KLF1: variants seen among roughly 807,000 people sequenced by gnomAD.
The protein encoded by KLF1 is Krueppel-like factor 1.
Under a neutral mutation model 28.0 loss-of-function variants are expected in KLF1, and 29 were observed. The observed-to-expected ratio is 1.04, with a 90% CI of 0.77 to 1.41. KLF1 has a LOEUF of 1.41. KLF1 is among the 40% of genes most tolerant of loss of function. The probability of loss-of-function intolerance (pLI) is 0.00; values close to 1 mark genes in which losing one functional copy is unlikely to be tolerated. For missense variants in KLF1, 508 were observed against 515.1 expected, an observed-to-expected ratio of 0.99 and a Z score of 0.13; for synonymous variants, 262 against 242.6, an observed-to-expected ratio of 1.08 and a Z score of -0.74.
rs1368754872 is a variant in KLF1 at position 12,887,025 on chromosome 19, C to A, written c.87+29G>T. The A allele has an allele frequency of 3.7e-6, 6 of 1,610,578 alleles. No homozygotes were observed. Among genetic ancestry groups the A allele is most frequent in the Non-Finnish European group, 5.1e-6 (6 of 1,176,810 alleles). The stretch of plus-strand genomic sequence containing the variant: ...ACTGTGGCCCTGGATTCCAGCCAGC[C>A]CACCTAGACCCCACCTTCTAGGCCC... On this transcript the variant is annotated intron_variant, in intron 1 of 2. Transcript: ENST00000264834. The surrounding 1 kb of genome is among the most constrained non-coding windows in gnomAD (Gnocchi z 4.7).
chr19:12,885,060 C>A lies in KLF1; in HGVS notation c.914G>T (p.Gly305Val), dbSNP rs1970421110. Reference sequence around the variant, plus strand: ...CCACGTGCAGGCGTATGGCTTCTCCCCTAGGGGACAAGGAAGCCATAAGCG... The same window carrying A: ...CCACGTGCAGGCGTATGGCTTCTCCACTAGGGGACAAGGAAGCCATAAGCG... ...HLKAHLRTHT[G>V]EKPYACTWEG... Residue 305 changes from glycine to valine, a missense_variant and splice_region_variant, in exon 3 of 3, where the codon GGG becomes GTG. Coordinates refer to ENST00000264834, the MANE Select transcript of KLF1 (RefSeq NM_006563.5). The surrounding 1 kb of genome is among the most constrained non-coding windows in gnomAD (Gnocchi z 5.6). The A allele has an allele frequency of 6.2e-7, 1 of 1,604,444 alleles. No individual in the cohort carries two copies. The highest frequency in any genetic ancestry group is 1.3e-5 in the African/African-American group (1 of 74,914).
chr19:12,885,328 C>T lies in KLF1; in HGVS notation c.902G>A (p.Arg301His). Reference protein sequence around the residue: ...TKSSHLKAHLRTHTGEKPYAC... With the variant: ...TKSSHLKAHLHTHTGEKPYAC... The stretch of plus-strand genomic sequence containing the variant: ...CCCCGCCCCCTCACCTGTGTGCGTG[C>T]GCAGATGCGCCTTCAGGTGGGAGCT... The change falls in exon 2 of 3, where the codon CGC (arginine) becomes CAC (histidine). Residue 301 changes from arginine to histidine, a missense_variant. By Grantham distance (29) the Arg-to-His change is conservative. Coordinates refer to ENST00000264834, the MANE Select transcript of KLF1 (RefSeq NM_006563.5). The surrounding 1 kb of genome is among the most constrained non-coding windows in gnomAD (Gnocchi z 5.6). The T allele has an allele frequency of 1.9e-6, 3 of 1,589,030 alleles. No homozygotes were observed. The highest frequency in any genetic ancestry group is 1.1e-5 in the South Asian group (1 of 88,150).
Position 12,885,710 on chromosome 19 carries a change from C to A in KLF1, c.520G>T (p.Gly174Cys), listed in dbSNP as rs566095433. Residue 174 changes from glycine to cysteine, a missense_variant, in exon 2 of 3, where the codon GGC (glycine) becomes TGC (cysteine). By Grantham distance (159) the Gly-to-Cys change is radical. Coordinates refer to ENST00000264834, the MANE Select transcript of KLF1 (RefSeq NM_006563.5). The surrounding 1 kb of genome is among the most constrained non-coding windows in gnomAD (Gnocchi z 5.6). Reference protein sequence around the residue: ...LALQPVYPGPGAGSSGGYFPR... With the variant: ...LALQPVYPGPCAGSSGGYFPR... ...AAGTAGCCACCCGAGGAGCCGGCGC[C>A]GGGCCCCGGGTACACCGGTTGCAGC... is the stretch of plus-strand genomic sequence containing the variant. 1.0e-3 allele frequency: 1,539 copies of A among 1,523,492 alleles called. No homozygotes were observed. Among genetic ancestry groups the A allele is most frequent in the Non-Finnish European group, 1.1e-3 (1,211 of 1,135,226 alleles). 94.4% of individuals were successfully genotyped at this position (1,523,492 alleles called of 1,614,324 possible).
In KLF1 at chr19:12,887,192, C is replaced by A; in HGVS notation, c.-52G>T. The stretch of plus-strand genomic sequence containing the variant: ...CAAGCCTCCTCTTCCTCGGCTGCCT[C>A]GTGAACTCTGAGGCTGTGATAGCCC... On this transcript the variant is annotated 5_prime_UTR_variant, in exon 1 of 3. Coordinates refer to ENST00000264834, the MANE Select transcript of KLF1 (RefSeq NM_006563.5). The surrounding 1 kb of genome is among the most constrained non-coding windows in gnomAD (Gnocchi z 4.7). 6.3e-7 allele frequency: 1 copy of A among 1,590,704 alleles called. No individual in the cohort carries two copies.
chr19:12,885,746 T>G lies in KLF1; in HGVS notation c.484A>C (p.Lys162Gln). The G allele has an allele frequency of 2.0e-6, 3 of 1,507,180 alleles. No homozygotes were observed. The highest frequency in any genetic ancestry group is 1.8e-6 in the Non-Finnish European group (2 of 1,130,216). 93.4% of individuals were successfully genotyped at this position (1,507,180 alleles called of 1,614,324 possible). Reference protein sequence around the residue: ...ALAPAPAPEPKALALQPVYPG... With the variant: ...ALAPAPAPEPQALALQPVYPG... ...TACACCGGTTGCAGCGCCAGCGCCT[T>G]GGGCTCGGGGGCCGGGGCTGGAGCC... Residue 162 changes from lysine to glutamine, a missense_variant, in exon 2 of 3, where the codon AAG (lysine) becomes CAG (glutamine). Coordinates refer to ENST00000264834, the MANE Select transcript of KLF1 (RefSeq NM_006563.5). The surrounding 1 kb of genome is among the most constrained non-coding windows in gnomAD (Gnocchi z 5.6).
At position 12,885,919 on chromosome 19, in the gene KLF1, G is replaced by T. The variant is rs182276666; in HGVS notation, c.311C>A (p.Ala104Glu). Residue 104 changes from alanine (A) to glutamate (E), a missense_variant, in exon 2 of 3, where the codon GCG becomes GAG. Coordinates refer to ENST00000264834, the MANE Select transcript of KLF1 (RefSeq NM_006563.5). The surrounding 1 kb of genome is among the most constrained non-coding windows in gnomAD (Gnocchi z 5.6). ...AGTCTCGGGCGGCGGCGGATATTGC[G>T]CCCCGGAGGCCTCGCTGGGCGCCAG... ...CALAPSEASG[A>E]QYPPPPETLG... The T allele has an allele frequency of 1.9e-6, 3 of 1,551,750 alleles. No homozygotes were observed. Among genetic ancestry groups the T allele is most frequent in the East Asian group, 2.4e-5 (1 of 41,018 alleles).
Position 12,885,731 on chromosome 19 carries a change from G to A in KLF1, c.499C>T (p.Gln167Ter). The part of the protein sequence containing the change: ...PAPEPKALAL[Q>*]PVYPGPGAGS... ...GCGCCGGGCCCCGGGTACACCGGTTGCAGCGCCAGCGCCTTGGGCTCGGGG... is the reference window on the plus strand; with the variant it reads ...GCGCCGGGCCCCGGGTACACCGGTTACAGCGCCAGCGCCTTGGGCTCGGGG... The change falls in exon 2 of 3, where the codon CAA becomes TAA. Residue 167 changes from glutamine to a stop codon, truncating the protein, a stop_gained. Coordinates refer to ENST00000264834, the MANE Select transcript of KLF1 (RefSeq NM_006563.5). LOFTEE classifies it high-confidence loss of function. The surrounding 1 kb of genome is among the most constrained non-coding windows in gnomAD (Gnocchi z 5.6). 6.6e-7 allele frequency: 1 copy of A among 1,510,450 alleles called. No individual in the cohort carries two copies. The highest frequency in any genetic ancestry group is 8.8e-7 in the Non-Finnish European group (1 of 1,130,750). The allele number at this position is 1,510,450 out of a possible 1,614,324, so 93.6% of individuals were successfully genotyped here.
chr19:12,884,879 C>T lies in KLF1; in HGVS notation c.*6G>A. On this transcript the variant is annotated 3_prime_UTR_variant, in exon 3 of 3. Transcript: ENST00000264834. The stretch of plus-strand genomic sequence containing the variant: ...CACTAGGAGAGTCCAAGTGCCAGGG[C>T]AGGGCTCAAAGGTGGCGCTTCATGT... The T allele has an allele frequency of 6.2e-7, 1 of 1,613,686 alleles. No individual in the cohort carries two copies. Among genetic ancestry groups the T allele is most frequent in the Non-Finnish European group, 8.5e-7 (1 of 1,180,006 alleles).
intron 1 of KLF1, 82 bp from the exon 2 acceptor site, chr19:12,886,224 C>G: frequency 9.7e-7 from 1 of 1,027,894 alleles, no homozygotes; most frequent in Non-Finnish European, 1.4e-6. Context: ...GACACTCTGA[C>G]GCAGAGGCTT....
At position 12,887,029 on chromosome 19, in the gene KLF1, CT is replaced by C. The variant is rs769949626; in HGVS notation, c.87+24del. On this transcript the variant is annotated intron_variant, in intron 1 of 2. Transcript: ENST00000264834. This position sits in a 1 kb window ranked among gnomAD's most constrained non-coding sequence, Gnocchi z 4.7. ...TGGCCCTGGATTCCAGCCAGCCCACCTAGACCCCACCTTCTAGGCCCCACCT... is the reference window on the plus strand; with the variant it reads ...TGGCCCTGGATTCCAGCCAGCCCACCAGACCCCACCTTCTAGGCCCCACCT... The C allele has an allele frequency of 1.2e-6, 2 of 1,613,156 alleles. No homozygotes were observed. The highest frequency in any genetic ancestry group is 1.7e-6 in the Non-Finnish European group (2 of 1,179,182).
Position 12,885,005 on chromosome 19 carries a change from C to G in KLF1, c.969G>C (p.Ser323=). The change falls in exon 3 of 3, where the codon TCG becomes TCC. Residue 323 remains serine, a synonymous_variant. Transcript: ENST00000264834. This position sits in a 1 kb window ranked among gnomAD's most constrained non-coding sequence, Gnocchi z 5.6. ...WEGCGWRFAR[S]DELTRHYRKH... is the part of the protein sequence containing the mutation. ...TCCGGTAGTGGCGGGTCAGCTCGTC[C>G]GAGCGCGCGAATCTCCAGCCGCAGC... is the stretch of plus-strand genomic sequence containing the variant. 1 of 1,609,584 alleles carries G rather than the reference C, an allele frequency of 6.2e-7. No homozygotes were observed. The highest frequency in any genetic ancestry group is 8.5e-7 in the Non-Finnish European group (1 of 1,179,812).
At position 12,885,569 on chromosome 19, in the gene KLF1, C is replaced by A; in HGVS notation, c.661G>T (p.Gly221Trp). ...QYQGHFQLFR[G>W]LQGPAPGPAT... is the part of the protein sequence containing the mutation. ...GGACCGGGCGCGGGTCCCTGGAGCC[C>A]GCGGAAGAGCTGGAAGTGCCCTTGG... Residue 221 changes from glycine to tryptophan, a missense_variant, in exon 2 of 3, where the codon GGG (glycine) becomes TGG (tryptophan). Transcript: ENST00000264834. This position sits in a 1 kb window ranked among gnomAD's most constrained non-coding sequence, Gnocchi z 5.6. 6.4e-7 allele frequency: 1 copy of A among 1,562,712 alleles called. No individual in the cohort carries two copies. Among genetic ancestry groups the A allele is most frequent in the African/African-American group, 1.4e-5 (1 of 73,982 alleles).
intron 1 of KLF1, among the ~76,000 whole-genome samples, 200 bp from the exon 2 acceptor site, chr19:12,886,342 A>T (rs1332273621): frequency 6.6e-6 from 1 of 152,070 alleles, no homozygotes; most frequent in Non-Finnish European, 1.5e-5. Flanking sequence ...GAAACCGATC[A>T]GGTCTGGCTG....
rs1032499878 is a variant in KLF1, at chr19:12,886,116, G to A, written c.114C>T (p.Asp38=). The change falls in exon 2 of 3, where the codon GAC becomes GAT. Residue 38 remains aspartate (D), a synonymous_variant. Coordinates refer to ENST00000264834, the MANE Select transcript of KLF1 (RefSeq NM_006563.5). The part of the protein sequence containing the change: ...LKWWRSEEAQ[D]MGPGPPDPTE... Reference sequence around the variant, plus strand: ...TGGGGTCAGGAGGACCCGGGCCCATGTCCTGCGCCTCTTCGGAGCGCCACC... The same window carrying A: ...TGGGGTCAGGAGGACCCGGGCCCATATCCTGCGCCTCTTCGGAGCGCCACC... The A allele has an allele frequency of 1.2e-5, 19 of 1,604,726 alleles. No individual in the cohort carries two copies. The highest frequency in any genetic ancestry group is 1.6e-5 in the Non-Finnish European group (19 of 1,178,336).
Position 12,885,579 on chromosome 19 carries a change from C to T in KLF1, c.651G>A (p.Gln217=), listed in dbSNP as rs1029098627. Residue 217 remains glutamine, a synonymous_variant, in exon 2 of 3, where the codon CAG becomes CAA. Coordinates refer to ENST00000264834, the MANE Select transcript of KLF1 (RefSeq NM_006563.5). This position sits in a 1 kb window ranked among gnomAD's most constrained non-coding sequence, Gnocchi z 5.6. ...YPAPQYQGHF[Q]LFRGLQGPAP... ...CGGGTCCCTGGAGCCCGCGGAAGAG[C>T]TGGAAGTGCCCTTGGTACTGAGGCG... is the stretch of plus-strand genomic sequence containing the variant. The T allele has an allele frequency of 4.5e-6, 7 of 1,560,336 alleles. No individual in the cohort carries two copies. Among genetic ancestry groups the T allele is most frequent in the Non-Finnish European group, 5.2e-6 (6 of 1,152,790 alleles).
chr19:12,886,252 T>A, intron 1 of KLF1, 110 bp from the exon 2 acceptor site: 1 of 758,544 alleles, frequency 1.3e-6, no homozygotes, highest in East Asian at 2.8e-5. Context: ...GGGTCTTGTT[T>A]GCCTGTCTGT....
chr19:12,886,283 TG>T, intron 1 of KLF1, 141 bp from the exon 2 acceptor site: 1 of 628,964 alleles, frequency 1.6e-6, no homozygotes, highest in Non-Finnish European at 2.7e-6. Flanking sequence ...TCCCCAACAC[TG>T]CCCCTCTAAC....
rs1356723427 is a variant in KLF1 at position 12,885,716 on chromosome 19, C to T, written c.514G>A (p.Gly172Arg). The T allele has an allele frequency of 2.0e-6, 3 of 1,513,780 alleles. No homozygotes were observed. Among genetic ancestry groups the T allele is most frequent in the South Asian group, 1.2e-5 (1 of 80,388 alleles). 93.8% of individuals were successfully genotyped at this position (1,513,780 alleles called of 1,614,324 possible). The change falls in exon 2 of 3, where the codon GGG becomes AGG. Residue 172 changes from glycine to arginine, a missense_variant. Coordinates refer to ENST00000264834, the MANE Select transcript of KLF1 (RefSeq NM_006563.5). This position sits in a 1 kb window ranked among gnomAD's most constrained non-coding sequence, Gnocchi z 5.6. ...KALALQPVYP[G>R]PGAGSSGGYF... Reference sequence around the variant, plus strand: ...CCACCCGAGGAGCCGGCGCCGGGCCCCGGGTACACCGGTTGCAGCGCCAGC... The same window carrying T: ...CCACCCGAGGAGCCGGCGCCGGGCCTCGGGTACACCGGTTGCAGCGCCAGC...
chr19:12,886,176 G>C (rs768244138), intron 1 of KLF1, 34 bp from the exon 2 acceptor site: 1 of 1,523,586 alleles, frequency 6.6e-7, no homozygotes, highest in Non-Finnish European at 8.9e-7. Context: ...GAGGTTCGGT[G>C]GACACTGGGG....
Sources: allele counts gnomAD v4.1 joint callset (sites outside exome capture counted in the v4.1 genomes callset), GRCh38; gene constraint gnomAD v4.1.1; non-coding constraint Gnocchi (gnomAD v3.1); transcripts MANE v1.5; gene names NCBI Gene and HGNC (gene_info 2026-07-23, HGNC 2026-07-21).